Variants in STX16 observed in about 807,000 individuals in gnomAD.
STX16 encodes the protein syntaxin 16.
STX16 carries 28 observed loss-of-function variants against 42.7 expected under a neutral mutation model. The ratio of observed to expected loss-of-function variants is 0.66; its 90% CI spans 0.49 to 0.90. STX16 has a LOEUF of 0.90. STX16 is among the 40% of genes least tolerant of loss of function. The pLI is 0.00. For missense variants in STX16, 361 were observed against 420.9 expected (o/e 0.86, Z 1.24); for synonymous variants, 156 against 155.2 (o/e 1.00, Z -0.04).
At position 58,651,909 on chromosome 20, in the gene STX16, G is replaced by T; in HGVS notation, c.-98G>T. The T allele has an allele frequency of 7.3e-7, 1 of 1,371,858 alleles. No homozygotes were observed. The highest frequency in any genetic ancestry group is 1.3e-5 in the South Asian group (1 of 78,902). 85.0% of individuals were successfully genotyped at this position (1,371,858 alleles called of 1,614,324 possible). Reference sequence around the variant, plus strand: ...TGAGGCCTTGTCGAGAAGCTTCCGTGAAAGGGTGGGCCAGCCGGGCCACGA... The same window carrying T: ...TGAGGCCTTGTCGAGAAGCTTCCGTTAAAGGGTGGGCCAGCCGGGCCACGA... On this transcript the variant is annotated 5_prime_UTR_variant, in exon 1 of 9. Coordinates refer to ENST00000371141, the MANE Select transcript of STX16 (RefSeq NM_001001433.3).
chr20:58,673,568 T>C, intron 7 of STX16, 63 bp from the exon 8 acceptor site: 2 of 1,144,182 alleles, frequency 1.7e-6, no homozygotes, highest in South Asian at 2.5e-5. Context: ...CATATCTCAT[T>C]TTTGACGTTC....
intron 1 of STX16, chr20:58,652,370 C>A (rs1417935210): frequency 3.5e-6 from 2 of 568,500 alleles, no homozygotes; most frequent in African/African-American, 2.4e-5. Flanking sequence ...ACTTCCGCAG[C>A]ACCCCCCCCC....
rs2084187417 is a variant in STX16, at chr20:58,678,427, A to T, written c.*2136A>T. On this transcript the variant is annotated 3_prime_UTR_variant, in exon 9 of 9. Transcript: ENST00000371141. Reference sequence around the variant, plus strand: ...CAGACTTTGAGAGGCCAAGGCGGTCACGAGGTCAGGAGTTCGAGACCAGCC... The same window carrying T: ...CAGACTTTGAGAGGCCAAGGCGGTCTCGAGGTCAGGAGTTCGAGACCAGCC... 1.3e-5 allele frequency: 2 copies of T among 152,078 alleles called. No individual in the cohort carries two copies. Among genetic ancestry groups the T allele is most frequent in the Admixed American group, 6.5e-5 (1 of 15,268 alleles). 9.4% of individuals were successfully genotyped at this position (152,078 alleles called of 1,614,324 possible).
intron 2 of STX16, among the ~76,000 whole-genome samples, chr20:58,663,325 C>T (rs1231724050): frequency 6.6e-6 from 1 of 152,206 alleles, no homozygotes; most frequent in Non-Finnish European, 1.5e-5. Context: ...TTTGGAACAG[C>T]AAGATTTATA....
In STX16 at chr20:58,659,559, C is replaced by T. The variant is rs1313050395; in HGVS notation, c.133-64C>T. On this transcript the variant is annotated intron_variant, in intron 1 of 8. Coordinates refer to ENST00000371141, the MANE Select transcript of STX16 (RefSeq NM_001001433.3). The stretch of plus-strand genomic sequence containing the variant: ...CCATGCCTTGTCTGTCTGTCTGTCC[C>T]ATGCTGCTTTCTTTGTGCTTTCCCC... 7 of 1,572,536 alleles carry T rather than the reference C, an allele frequency of 4.5e-6. No individual in the cohort carries two copies. In the African/African-American group the frequency reaches 8.2e-5, roughly 18 times the overall value.
intron 1 of STX16, among the ~76,000 whole-genome samples, chr20:58,652,514 A>G (rs1257791852): frequency 1.3e-5 from 2 of 151,076 alleles, no homozygotes; most frequent in Non-Finnish European, 3.0e-5. Flanking sequence ...CCCTCCCCCC[A>G]GTAATGAGCC....
intron 1 of STX16, among the ~76,000 whole-genome samples, chr20:58,653,380 T>C (rs1195538077): frequency 2.0e-5 from 3 of 152,232 alleles, no homozygotes; most frequent in Admixed American, 2.0e-4. Flanking sequence ...TCTTTGGCCA[T>C]ATAACTGATA....
chr20:58,669,201 C>G, intron 4 of STX16, 90 bp from the exon 5 acceptor site: 1 of 1,397,338 alleles, frequency 7.2e-7, no homozygotes, highest in South Asian at 1.2e-5. Flanking sequence ...AACAGAGCCT[C>G]TCACTTCTCA....
chr20:58,660,956 C>T (rs923372181), intron 2 of STX16, among the ~76,000 whole-genome samples: 3 of 151,586 alleles, frequency 2.0e-5, no homozygotes, highest in African/African-American at 7.3e-5. Context: ...AAAAACACCA[C>T]TCAACGGGTA....
At chr20:58,658,296 C>T (rs1010496992) in intron 1 of STX16, among the ~76,000 whole-genome samples, 1 of 152,130 alleles carries the variant, frequency 6.6e-6, no homozygotes, top group Non-Finnish European at 1.5e-5. Context: ...TTAATGTTCT[C>T]TTAATGTTAA....
At chr20:58,660,713 CTTTTTTTT>C (rs10706096) in intron 2 of STX16, among the ~76,000 whole-genome samples, 10 of 70,740 alleles carry the variant, frequency 1.4e-4, no homozygotes, top group East Asian at 5.5e-4. Flanking sequence ...ATTCCTGCTC[CTTTTTTTT>C]TTTTTTTTTT....
At chr20:58,666,511 C>T (rs1191091039) in intron 2 of STX16, among the ~76,000 whole-genome samples, 2 of 148,990 alleles carry the variant, frequency 1.3e-5, no homozygotes, top group Non-Finnish European at 3.0e-5. Context: ...TCACTGCGAC[C>T]TTCGCCTCTT....
At chr20:58,664,973 A>G (rs1048986282) in intron 2 of STX16, among the ~76,000 whole-genome samples, 1 of 152,244 alleles carries the variant, frequency 6.6e-6, no homozygotes, top group African/African-American at 2.4e-5. Context: ...TTTACTTTGT[A>G]TAAACAGCTG....
rs985355780 is a variant in STX16, at chr20:58,675,972, T to G, written c.874-215T>G. ...GGTTTCCAACAAATCCATTTCCACG[T>G]CCAGGGTAAATAAGCAGCACCAGGA... On this transcript the variant is annotated intron_variant, in intron 8 of 8. Coordinates refer to ENST00000371141, the MANE Select transcript of STX16 (RefSeq NM_001001433.3). Among the ~76,000 whole-genome samples, 7 of 152,288 alleles carry G rather than the reference T, an allele frequency of 4.6e-5. No homozygotes were observed. The East Asian group carries it at 1.2e-3, about 25-fold the overall frequency.
chr20:58,657,857 T>C lies in STX16; in HGVS notation c.133-1766T>C, dbSNP rs2083615072. Among the ~76,000 whole-genome samples the C allele has an allele frequency of 6.6e-6, 1 of 152,128 alleles. No individual in the cohort carries two copies. The highest frequency in any genetic ancestry group is 1.5e-5 in the Non-Finnish European group (1 of 68,024). ...TTCCTGATGTGGTGGTAGCTGCCTA[T>C]CACAAGTAATTCCCTGAATTGTTAA... On this transcript the variant is annotated intron_variant, in intron 1 of 8. Coordinates refer to ENST00000371141, the MANE Select transcript of STX16 (RefSeq NM_001001433.3). The surrounding 1 kb of genome is among the most constrained non-coding windows in gnomAD (Gnocchi z 4.2).
At chr20:58,667,923 A>G (rs2083873941) in intron 3 of STX16, 64 bp from the exon 4 acceptor site, 2 of 1,606,378 alleles carry the variant, frequency 1.2e-6, no homozygotes, top group South Asian at 1.1e-5. Flanking sequence ...TGCTGAGTGT[A>G]GCTGATGGAG....
chr20:58,652,315 C>T, intron 1 of STX16, 177 bp downstream of exon 1: 2 of 910,584 alleles, frequency 2.2e-6, no homozygotes, highest in Middle Eastern at 3.2e-4. Context: ...GAGGAAGAAG[C>T]GGTGCTGTGA....
chr20:58,661,399 G>A (rs1238913842), intron 2 of STX16, among the ~76,000 whole-genome samples: 2 of 152,218 alleles, frequency 1.3e-5, no homozygotes, highest in Non-Finnish European at 2.9e-5. Flanking sequence ...ACCTCTAAGG[G>A]CTTAAAAGGG....
intron 7 of STX16, among the ~76,000 whole-genome samples, chr20:58,672,499 A>G (rs912534751): frequency 3.4e-5 from 5 of 147,826 alleles, no homozygotes; most frequent in Non-Finnish European, 6.0e-5. Flanking sequence ...TCCAAAATCT[A>G]AAAAAAAAAT....
Sources: allele counts gnomAD v4.1 joint callset (sites outside exome capture counted in the v4.1 genomes callset), GRCh38; gene constraint gnomAD v4.1.1; non-coding constraint Gnocchi (gnomAD v3.1); transcripts MANE v1.5; gene names NCBI Gene and HGNC (gene_info 2026-07-23, HGNC 2026-07-21).